LIPI: variants seen among roughly 807,000 people sequenced by gnomAD.
The protein encoded by LIPI is lipase member I.
A neutral mutation model predicts 50.6 loss-of-function variants in LIPI; 59 were observed. The ratio of observed to expected loss-of-function variants is 1.16; its 90% CI spans 0.94 to 1.45. The LOEUF (loss-of-function observed/expected upper bound fraction) is 1.45, where lower values mean the gene tolerates loss of function less well. Among genes scored for constraint, LIPI ranks in the 40% most tolerant of loss-of-function variants. The pLI is 0.00. For synonymous variants in LIPI, 203 were observed against 178.2 expected (o/e 1.14, Z -1.11); for missense variants, 586 against 536.3 (o/e 1.09, Z -0.92).
At chr21:14,172,310 G>A (rs944780942) in intron 4 of LIPI, among the ~76,000 whole-genome samples, 9 of 152,066 alleles carry the variant, frequency 5.9e-5, no homozygotes, top group East Asian at 5.8e-4. Flanking sequence ...TCAGTGTGGC[G>A]ATTCCTCAGG....
chr21:14,165,478 C>T (rs1309501845), intron 5 of LIPI, 88 bp from the exon 6 acceptor site: 1 of 934,550 alleles, frequency 1.1e-6, no homozygotes, highest in African/African-American at 1.7e-5. Context: ...TGAAGTTTTG[C>T]TAAATACTAT....
chr21:14,184,220 G>A (rs8127314), intron 3 of LIPI, among the ~76,000 whole-genome samples: 4,491 of 152,012 alleles, frequency 0.03, 202 homozygotes, highest in East Asian at 0.23. Flanking sequence ...GCAAACTATC[G>A]CAAGGACAAA....
chr21:14,170,230 C>A (rs1348570953), intron 4 of LIPI, among the ~76,000 whole-genome samples: 1 of 152,086 alleles, frequency 6.6e-6, no homozygotes, highest in East Asian at 1.9e-4. Flanking sequence ...CAATAGCTTA[C>A]CAACCAAAAA....
At chr21:14,173,617 C>T (rs2018996521) in intron 4 of LIPI, among the ~76,000 whole-genome samples, 1 of 152,164 alleles carries the variant, frequency 6.6e-6, no homozygotes, top group Non-Finnish European at 1.5e-5. Context: ...TCATGAAAGA[C>T]ATCAGTAATA....
At chr21:14,207,065 A>C (rs2020246829) in intron 1 of LIPI, 2 of 662,782 alleles carry the variant, frequency 3.0e-6, no homozygotes, top group Middle Eastern at 2.8e-4. Flanking sequence ...CTATGGCCAC[A>C]GAGCCAGTTA....
Position 14,152,660 on chromosome 21 carries a change from AT to A in LIPI, c.1030del (p.Ile344LeufsTer7). 1 of 1,515,284 alleles carries A rather than the reference AT, an allele frequency of 6.6e-7. No individual in the cohort carries two copies. The highest frequency in any genetic ancestry group is 9.2e-7 in the Non-Finnish European group (1 of 1,092,410). The allele number at this position is 1,515,284 out of a possible 1,614,324, so 93.9% of individuals were successfully genotyped here. ...ATCCATCATAGTTTTATCTGGAACA[AT>A]TATACTGAGAACAAAATAATAGGCT... The part of the protein sequence containing the change: ...FCTYYFVLSI[I>X]VPDKTMMDGS... On this transcript the variant is annotated frameshift_variant, in exon 8 of 10. Transcript: ENST00000681601. LOFTEE classifies it high-confidence loss of function.
At chr21:14,156,180 T>C (rs8131931) in intron 7 of LIPI, among the ~76,000 whole-genome samples, 12,759 of 151,968 alleles carry the variant, frequency 0.084, 690 homozygotes, top group East Asian at 0.27. Flanking sequence ...AAGTATGTTA[T>C]CTTATATAGC....
chr21:14,163,088 G>T (rs916334574), intron 7 of LIPI, among the ~76,000 whole-genome samples: 1 of 56,438 alleles, frequency 1.8e-5, no homozygotes, highest in Admixed American at 2.7e-4. Context: ...TGGGTGTTCA[G>T]ACTGTATATA....
At chr21:14,131,435 A>C (rs2017291491) in intron 9 of LIPI, among the ~76,000 whole-genome samples, 1 of 152,218 alleles carries the variant, frequency 6.6e-6, no homozygotes, top group African/African-American at 2.4e-5. Flanking sequence ...TCACTGAGGA[A>C]ATCACAGTTA....
Position 14,210,848 on chromosome 21 carries a change from G to A in LIPI, c.-3C>T, listed in dbSNP as rs2020345328. The A allele has an allele frequency of 8.2e-7, 1 of 1,226,506 alleles. No individual in the cohort carries two copies. Among genetic ancestry groups the A allele is most frequent in the African/African-American group, 1.6e-5 (1 of 63,086 alleles). 76.0% of individuals were successfully genotyped at this position (1,226,506 alleles called of 1,614,324 possible). On this transcript the variant is annotated 5_prime_UTR_variant, in exon 1 of 10. An upstream open reading frame in the 5' UTR gains an earlier in-frame stop. Transcript: ENST00000681601. ...CAAAGAAAAATGTATACTCTCATTT[G>A]GAATCTGAGAAAAGCAAAAACAGCA...
At chr21:14,176,354 C>T (rs1416025956) in intron 4 of LIPI, among the ~76,000 whole-genome samples, 4 of 151,570 alleles carry the variant, frequency 2.6e-5, no homozygotes, top group African/African-American at 9.7e-5. Context: ...CTGTGTGTTT[C>T]TATCGTTTAA....
intron 1 of LIPI, among the ~76,000 whole-genome samples, chr21:14,210,103 C>T (rs1468563529): frequency 6.6e-6 from 1 of 151,964 alleles, no homozygotes; most frequent in Admixed American, 6.6e-5. Context: ...ATAATCTGCT[C>T]TCATAAAACC....
intron 1 of LIPI, 83 bp from the exon 2 acceptor site, chr21:14,189,502 T>C: frequency 1.6e-6 from 2 of 1,273,588 alleles, no homozygotes; most frequent in South Asian, 1.3e-5. Flanking sequence ...GAATTAAATG[T>C]GGAGGGTAGG....
chr21:14,109,071 A>C lies in LIPI; in HGVS notation c.1305T>G (p.Leu435=). The change falls in exon 10 of 10, where the codon CTT becomes CTG. Residue 435 remains leucine (L), a synonymous_variant. Coordinates refer to ENST00000681601, the MANE Select transcript of LIPI (RefSeq NM_001302998.2). ...KSLTYPERPP[L]CRYNIVLKDR... is the part of the protein sequence containing the mutation. ...CTTTAAGTACAATATTATACCTGCA[A>C]AGTGGTGGTCTGAGAAAGAGAAAAA... The C allele has an allele frequency of 6.3e-7, 1 of 1,595,890 alleles. No individual in the cohort carries two copies. The highest frequency in any genetic ancestry group is 8.6e-7 in the Non-Finnish European group (1 of 1,164,016).
chr21:14,172,028 C>A (rs1043021362), intron 4 of LIPI, among the ~76,000 whole-genome samples: 1 of 151,988 alleles, frequency 6.6e-6, no homozygotes, highest in Non-Finnish European at 1.5e-5. Flanking sequence ...AAGAAAAAAA[C>A]AAACAACCCC....
chr21:14,201,872 A>G (rs144965393), intron 1 of LIPI, among the ~76,000 whole-genome samples: 5,284 of 152,250 alleles, frequency 0.035, 253 homozygotes, highest in East Asian at 0.26. Context: ...AGGGTATTCA[A>G]TTAGGAAAAG....
At chr21:14,178,921 A>G (rs1398299512) in intron 4 of LIPI, among the ~76,000 whole-genome samples, 3 of 152,174 alleles carry the variant, frequency 2.0e-5, no homozygotes, top group Non-Finnish European at 2.9e-5. Context: ...AATCTACTTA[A>G]ACAAAAAACT....
At chr21:14,157,799 C>A (rs1190723064) in intron 7 of LIPI, among the ~76,000 whole-genome samples, 1 of 151,778 alleles carries the variant, frequency 6.6e-6, no homozygotes, top group African/African-American at 2.4e-5. Flanking sequence ...ATGGAGTTTG[C>A]CTGGCTGAAT....
rs902238972 is a variant in LIPI, at chr21:14,183,340, A to G, written c.542-1481T>C. On this transcript the variant is annotated intron_variant, in intron 3 of 9. Transcript: ENST00000681601. The stretch of plus-strand genomic sequence containing the variant: ...AAAATTAATTCAAGATGGATTAAAG[A>G]CTTACATGTTAGTCTTAAAGCGATA... 3.9e-5 allele frequency among the ~76,000 whole-genome samples: 6 copies of G among 152,256 alleles called. No individual in the cohort carries two copies. In the East Asian group the frequency reaches 7.7e-4, roughly 20 times the overall value.
Sources: allele counts gnomAD v4.1 joint callset (sites outside exome capture counted in the v4.1 genomes callset), GRCh38; gene constraint gnomAD v4.1.1; transcripts MANE v1.5; gene names NCBI Gene and HGNC (gene_info 2026-07-23, HGNC 2026-07-21).